GPM6B: variants seen among roughly 807,000 people sequenced by gnomAD.
GPM6B encodes glycoprotein M6B.
GPM6B carries 4 observed loss-of-function variants against 27.2 expected under a neutral mutation model. The ratio of observed to expected loss-of-function variants is 0.15; its 90% CI spans 0.07 to 0.34. The LOEUF (loss-of-function observed/expected upper bound fraction) is 0.34, where lower values mean the gene tolerates loss of function less well. GPM6B is among the 10% of genes least tolerant of loss of function. GPM6B has a pLI of 1.00. For synonymous variants in GPM6B, 124 were observed against 103.1 expected, an observed-to-expected ratio of 1.20 and a Z score of -1.23; for missense variants, 183 against 261.9, an observed-to-expected ratio of 0.70 and a Z score of 2.08.
intron 1 of GPM6B, among the ~76,000 whole-genome samples, chrX:13,935,591 C>T (rs1921800363): frequency 8.9e-6 from 1 of 111,749 alleles, no homozygotes; most frequent in African/African-American, 3.3e-5. Context: ...ATACATAAGC[C>T]ATATTAAAGC....
chrX:13,935,628 T>C (rs1374505965), intron 1 of GPM6B, among the ~76,000 whole-genome samples: 7 of 108,871 alleles, frequency 6.4e-5, no homozygotes, highest in Non-Finnish European at 1.3e-4. Flanking sequence ...AAATGCCTTA[T>C]AAGAGGTTAT....
chrX:13,891,793 A>G (rs1859005), intron 1 of GPM6B, among the ~76,000 whole-genome samples: 31,177 of 110,943 alleles, frequency 0.28, 3,661 homozygotes, highest in East Asian at 0.81. Flanking sequence ...AAGGAGGGGA[A>G]GATTAGAACA....
At chrX:13,848,558 A>G (rs2049677246) in intron 1 of GPM6B, among the ~76,000 whole-genome samples, 1 of 112,478 alleles carries the variant, frequency 8.9e-6, no homozygotes, top group African/African-American at 3.2e-5. Flanking sequence ...GAGGGAATGA[A>G]ATACAACTTT....
At chrX:13,885,760 G>A (rs1197369327) in intron 1 of GPM6B, among the ~76,000 whole-genome samples, 4 of 111,586 alleles carry the variant, frequency 3.6e-5, no homozygotes, top group South Asian at 3.8e-4. Context: ...GCAGACAAGC[G>A]TGATGGATGG....
chrX:13,858,191 C>T (rs1304216636), intron 1 of GPM6B, among the ~76,000 whole-genome samples: 1 of 112,138 alleles, frequency 8.9e-6, no homozygotes, highest in Non-Finnish European at 1.9e-5. Context: ...AAAAATCCTA[C>T]TTCTCTTTCA....
intron 1 of GPM6B, among the ~76,000 whole-genome samples, chrX:13,901,115 G>A (rs2050278275): frequency 8.9e-6 from 1 of 111,786 alleles, no homozygotes. Flanking sequence ...ATGTAAATCT[G>A]AACATAGACT....
At chrX:13,845,997 T>G (rs1416511981) in intron 1 of GPM6B, among the ~76,000 whole-genome samples, 3 of 111,540 alleles carry the variant, frequency 2.7e-5, no homozygotes, top group Non-Finnish European at 5.7e-5. Context: ...GATGGGTTCT[T>G]TATCACAGGT....
intron 1 of GPM6B, among the ~76,000 whole-genome samples, chrX:13,870,191 T>C (rs1408943450): frequency 3.6e-5 from 4 of 112,472 alleles, no homozygotes; most frequent in African/African-American, 6.5e-5. Flanking sequence ...AGGTTACTCA[T>C]GACATTAACC....
intron 1 of GPM6B, among the ~76,000 whole-genome samples, chrX:13,910,232 G>A (rs185635980): frequency 8.9e-6 from 1 of 112,104 alleles, no homozygotes; most frequent in Non-Finnish European, 1.9e-5. Context: ...CTCAACCCTG[G>A]CTGCACATCA....
intron 2 of GPM6B, among the ~76,000 whole-genome samples, chrX:13,789,948 C>T (rs1402754385): frequency 9.0e-6 from 1 of 111,639 alleles, no homozygotes; most frequent in Non-Finnish European, 1.9e-5. Flanking sequence ...CTGGCTCAAG[C>T]GATCCTCCCA....
chrX:13,853,396 G>T (rs924692555), intron 1 of GPM6B, among the ~76,000 whole-genome samples: 3 of 109,694 alleles, frequency 2.7e-5, no homozygotes, highest in Non-Finnish European at 5.7e-5. Flanking sequence ...TTGAGGTCAG[G>T]AGTTCGGGAC....
intron 4 of GPM6B, among the ~76,000 whole-genome samples, chrX:13,780,718 T>C (rs979124821): frequency 1.8e-5 from 2 of 111,980 alleles, no homozygotes; most frequent in Admixed American, 9.4e-5. Context: ...CCAGGAAGAA[T>C]AGAATCCCGT....
At chrX:13,839,391 C>T (rs2049544828) in intron 1 of GPM6B, among the ~76,000 whole-genome samples, 1 of 111,842 alleles carries the variant, frequency 8.9e-6, no homozygotes, top group Admixed American at 9.5e-5. Context: ...AGCTATTACC[C>T]AATCACCTTA....
intron 1 of GPM6B, among the ~76,000 whole-genome samples, chrX:13,915,420 C>G (rs762213818): frequency 8.9e-6 from 1 of 111,940 alleles, no homozygotes; most frequent in African/African-American, 3.2e-5. Flanking sequence ...CTCTCTCTCT[C>G]TCAGCAGGTC....
intron 1 of GPM6B, among the ~76,000 whole-genome samples, chrX:13,890,892 C>T (rs1232196191): frequency 9.0e-6 from 1 of 111,368 alleles, no homozygotes; most frequent in East Asian, 2.8e-4. Context: ...CCGATTCTTA[C>T]ACCTGTAAAG....
chrX:13,930,988 A>C (rs947400404), intron 1 of GPM6B, among the ~76,000 whole-genome samples: 3 of 111,225 alleles, frequency 2.7e-5, no homozygotes, highest in Non-Finnish European at 5.7e-5. Context: ...GCTCAAGACC[A>C]GCCTGGCCAA....
chrX:13,918,703 C>T (rs1269888791), intron 1 of GPM6B, among the ~76,000 whole-genome samples: 1 of 111,234 alleles, frequency 9.0e-6, no homozygotes, highest in African/African-American at 3.3e-5. Flanking sequence ...CTGGGGAGGC[C>T]TCGGGAAACT....
intron 1 of GPM6B, among the ~76,000 whole-genome samples, chrX:13,929,388 T>TC (rs1156351574): frequency 2.8e-5 from 3 of 107,141 alleles, no homozygotes; most frequent in Non-Finnish European, 5.8e-5. Flanking sequence ...TCTGCAAAGC[T>TC]CCCCATTATA....
chrX:13,817,473 T>A, upstream of GPM6B: 1 of 301,224 alleles, frequency 3.3e-6, no homozygotes, highest in Non-Finnish European at 4.4e-6. Context: ...TCGACAGCAA[T>A]ATATGTCGTC....
Sources: gnomAD v4.1 joint callset for allele counts (sites outside exome capture counted in the v4.1 genomes callset) on GRCh38, gnomAD v4.1.1 for gene constraint, MANE v1.5 for transcripts, NCBI Gene and HGNC (gene_info 2026-07-23, HGNC 2026-07-21) for gene names.